LRPPRC: variants seen among roughly 807,000 people sequenced by gnomAD.
LRPPRC encodes leucine-rich PPR motif-containing protein, mitochondrial.
LRPPRC carries 120 observed loss-of-function variants against 180.3 expected under a neutral mutation model. That is an observed-to-expected ratio of 0.67 (90% CI 0.57 to 0.77). LRPPRC has a LOEUF of 0.77. Ranked by LOEUF, LRPPRC falls within the 30% of genes least tolerant of loss-of-function variation. The pLI is 0.00. For synonymous variants in LRPPRC, 723 were observed against 600.0 expected (o/e 1.21, Z -3.00); for missense variants, 2,012 against 1,657.2 (o/e 1.21, Z -3.72).
Position 43,982,379 on chromosome 2 carries a change from G to C in LRPPRC, c.205C>G (p.Gln69Glu), listed in dbSNP as rs776095587. The C allele has an allele frequency of 6.8e-6, 11 of 1,613,812 alleles. No homozygotes were observed. In the African/African-American group the frequency reaches 1.5e-4, roughly 22 times the overall value. Residue 69 changes from glutamine (Q) to glutamate (E), a missense_variant, in exon 2 of 38, where the codon CAA becomes GAA. Coordinates refer to ENST00000260665, the MANE Select transcript of LRPPRC (RefSeq NM_133259.4). ...YAIAAKEKDI[Q>E]EESTFSSRKI... Reference sequence around the variant, plus strand: ...CTAGAAGAAAAAGTGGACTCCTCTTGAATATCTTTTTCTTTGGCAGCAATG... The same window carrying C: ...CTAGAAGAAAAAGTGGACTCCTCTTCAATATCTTTTTCTTTGGCAGCAATG...
chr2:43,980,931 G>C (rs1674279073), intron 2 of LRPPRC, among the ~76,000 whole-genome samples: 1 of 152,174 alleles, frequency 6.6e-6, no homozygotes, highest in African/African-American at 2.4e-5. Context: ...AAGTCAGAGA[G>C]AGAATGTGAC....
intron 13 of LRPPRC, among the ~76,000 whole-genome samples, chr2:43,957,791 T>G (rs1188249342): frequency 6.6e-6 from 1 of 152,116 alleles, no homozygotes; most frequent in Non-Finnish European, 1.5e-5. Flanking sequence ...GGTGGCACCA[T>G]GAAGAGAGAG....
chr2:43,974,718 T>C lies in LRPPRC; in HGVS notation c.905A>G (p.Asp302Gly). 6.2e-7 allele frequency: 1 copy of C among 1,613,582 alleles called. No homozygotes were observed. The highest frequency in any genetic ancestry group is 8.5e-7 in the Non-Finnish European group (1 of 1,179,616). Reference protein sequence around the residue: ...KVEKSELHLMDRDLLQIIFSF... With the variant: ...KVEKSELHLMGRDLLQIIFSF... ...AAAAATAATTTGCAGTAAATCACGG[T>C]CCATAAGGTGAAGCTCGGACTTCTC... Residue 302 changes from aspartate (D) to glycine (G), a missense_variant, in exon 8 of 38, where the codon GAC becomes GGC. Transcript: ENST00000260665.
At chr2:43,889,520 G>C (rs1316498262) in intron 37 of LRPPRC, among the ~76,000 whole-genome samples, 1 of 152,070 alleles carries the variant, frequency 6.6e-6, no homozygotes, top group Non-Finnish European at 1.5e-5. Flanking sequence ...GTCTGAGACA[G>C]ACCTTGTATT....
At chr2:43,959,909 A>G (rs1437476484) in intron 13 of LRPPRC, among the ~76,000 whole-genome samples, 2 of 152,154 alleles carry the variant, frequency 1.3e-5, no homozygotes, top group South Asian at 2.1e-4. Context: ...AAAATAAAAT[A>G]AAGTGCAGTA....
chr2:43,991,037 T>TA (rs976725890), intron 1 of LRPPRC, among the ~76,000 whole-genome samples: 2 of 150,554 alleles, frequency 1.3e-5, no homozygotes, highest in South Asian at 2.1e-4. Flanking sequence ...CTTTTATTTT[T>TA]TTTTTTTTTT....
At position 43,915,271 on chromosome 2, in the gene LRPPRC, C is replaced by G. The variant is rs186536706; in HGVS notation, c.3149-2713G>C. ...ACACACACACACACACACACACACACACACACAAGTTCATCAGAACATTTA... is the reference window on the plus strand; with the variant it reads ...ACACACACACACACACACACACACAGACACACAAGTTCATCAGAACATTTA... On this transcript the variant is annotated intron_variant, in intron 29 of 37. Transcript: ENST00000260665. Among the ~76,000 whole-genome samples, 560 of 145,402 alleles carry G rather than the reference C, an allele frequency of 3.9e-3. 2 individuals are homozygous for G. The highest frequency in any genetic ancestry group is 6.9e-3 in the Middle Eastern group (2 of 290).
At position 43,977,005 on chromosome 2, in the gene LRPPRC, A is replaced by C. The variant is rs769108821; in HGVS notation, c.639T>G (p.Ile213Met). ...LIASYCNVGD[I>M]EGASKILGFM... ...ATACAGATCCATACCTGGCACCTTC[A>C]ATATCTCCTACATTACAATAAGAAG... Residue 213 changes from isoleucine (I) to methionine (M), a missense_variant, in exon 5 of 38, where the codon ATT (isoleucine) becomes ATG (methionine). Physicochemically the swap from Ile to Met is conservative, Grantham distance 10. Transcript: ENST00000260665. 2 of 1,613,214 alleles carry C rather than the reference A, an allele frequency of 1.2e-6. No homozygotes were observed. Among genetic ancestry groups the C allele is most frequent in the African/African-American group, 1.3e-5 (1 of 75,038 alleles).
intron 20 of LRPPRC, 55 bp downstream of exon 20, chr2:43,947,202 T>C (rs2105084761): frequency 3.8e-6 from 3 of 796,256 alleles, no homozygotes; most frequent in East Asian, 2.7e-5. Context: ...GTTTTTCTTA[T>C]TGTTACCAAG....
chr2:43,908,494 C>T (rs1572903343), intron 30 of LRPPRC, among the ~76,000 whole-genome samples: 1 of 150,908 alleles, frequency 6.6e-6, no homozygotes, highest in South Asian at 2.1e-4. Context: ...ACAACAAAGG[C>T]AAAATAAAAA....
At chr2:43,966,995 G>A (rs1673589594) in intron 11 of LRPPRC, among the ~76,000 whole-genome samples, 1 of 152,132 alleles carries the variant, frequency 6.6e-6, no homozygotes, top group African/African-American at 2.4e-5. Context: ...AAGTTGCAGT[G>A]AGCTGAGATC....
chr2:43,995,813 G>A lies in LRPPRC; in HGVS notation c.135C>T (p.Ala45=), dbSNP rs886056061. 67 of 1,405,690 alleles carry A rather than the reference G, an allele frequency of 4.8e-5. No homozygotes were observed. The highest frequency in any genetic ancestry group is 5.9e-5 in the Non-Finnish European group (64 of 1,092,028). The allele number at this position is 1,405,690 out of a possible 1,614,324, so 87.1% of individuals were successfully genotyped here. ...HAASYLPAAR[A]GPVAGGLLSP... is the part of the protein sequence containing the mutation. ...TGGGCACTCACCCGGCCACGGGCCC[G>A]GCGCGAGCGGCGGGCAGATAGGAGG... Residue 45 remains alanine, a synonymous_variant, in exon 1 of 38, where the codon GCC becomes GCT. Transcript: ENST00000260665.
At chr2:43,938,929 C>T (rs915622029) in intron 23 of LRPPRC, among the ~76,000 whole-genome samples, 1 of 152,048 alleles carries the variant, frequency 6.6e-6, no homozygotes, top group Non-Finnish European at 1.5e-5. Context: ...ACTTAAGTCT[C>T]GTAATTTATA....
chr2:43,945,410 A>T lies in LRPPRC; in HGVS notation c.2218T>A (p.Leu740Ile), dbSNP rs372674252. ...GTGTCAAGGACAGCAGATGAATCTA[A>T]GCGGTCACTAAAAATTAAAGCCACA... ...ALNLKEEFDR[L>I]DSSAVLDTGK... is the part of the protein sequence containing the mutation. The change falls in exon 22 of 38, where the codon TTA becomes ATA. Residue 740 changes from leucine (L) to isoleucine (I), a missense_variant. Coordinates refer to ENST00000260665, the MANE Select transcript of LRPPRC (RefSeq NM_133259.4). 1.0e-5 allele frequency: 16 copies of T among 1,606,500 alleles called. No individual in the cohort carries two copies. Among genetic ancestry groups the T allele is most frequent in the South Asian group, 2.2e-5 (2 of 90,906 alleles).
chr2:43,965,275 G>A (rs1467573554), intron 11 of LRPPRC, among the ~76,000 whole-genome samples: 2 of 152,126 alleles, frequency 1.3e-5, no homozygotes, highest in Non-Finnish European at 2.9e-5. Context: ...TGGTCAAGCT[G>A]GTCTTGAACC....
At chr2:43,940,509 G>A (rs1451705422) in intron 23 of LRPPRC, among the ~76,000 whole-genome samples, 1 of 152,096 alleles carries the variant, frequency 6.6e-6, no homozygotes. Flanking sequence ...TGAAGTTCAT[G>A]ACACACTTAA....
intron 14 of LRPPRC, among the ~76,000 whole-genome samples, chr2:43,952,734 G>A (rs1474243232): frequency 6.6e-6 from 1 of 152,120 alleles, no homozygotes; most frequent in Non-Finnish European, 1.5e-5. Flanking sequence ...TCCCAGAAGA[G>A]GAAACAAATT....
In LRPPRC at chr2:43,995,984, C is replaced by G; in HGVS notation, c.-37G>C. 2.0e-6 allele frequency: 3 copies of G among 1,523,024 alleles called. No homozygotes were observed. The highest frequency in any genetic ancestry group is 2.6e-6 in the Non-Finnish European group (3 of 1,141,716). The allele number at this position is 1,523,024 out of a possible 1,614,324, so 94.3% of individuals were successfully genotyped here. A position where few individuals can be genotyped will look rare whatever the true frequency, so the allele number is the denominator to read the frequency against. On this transcript the variant is annotated 5_prime_UTR_variant, in exon 1 of 38. Coordinates refer to ENST00000260665, the MANE Select transcript of LRPPRC (RefSeq NM_133259.4). ...CCCCGCAGCGGGAAGCACGCTCCGC[C>G]AGAAGGACAGGAGGAGCATGTGACC...
chr2:43,949,746 A>G, intron 15 of LRPPRC, 87 bp from the exon 16 acceptor site: 1 of 875,002 alleles, frequency 1.1e-6, no homozygotes, highest in Non-Finnish European at 1.9e-6. Flanking sequence ...AAATAATAAA[A>G]CCTCTCCCCA....
Sources: allele counts gnomAD v4.1 joint callset (sites outside exome capture counted in the v4.1 genomes callset), GRCh38; gene constraint gnomAD v4.1.1; transcripts MANE v1.5; gene names NCBI Gene and HGNC (gene_info 2026-07-23, HGNC 2026-07-21).